Variants in NIBAN1 observed in about 807,000 individuals in gnomAD.
NIBAN1 encodes protein Niban 1.
Under a neutral mutation model 75.1 loss-of-function variants are expected in NIBAN1, and 81 were observed. That is an observed-to-expected ratio of 1.08 (90% CI 0.90 to 1.30). The LOEUF is 1.30. Ranked by LOEUF, NIBAN1 falls within the 50% of genes most tolerant of loss-of-function variation. The pLI, the probability that NIBAN1 is intolerant of heterozygous loss-of-function variation, is 0.00. For synonymous variants in NIBAN1, 436 were observed against 424.8 expected (o/e 1.03, Z -0.32); for missense variants, 1,133 against 1,128.1 (o/e 1.00, Z -0.06).
chr1:184,936,901 C>T (rs1159577240), intron 1 of NIBAN1, among the ~76,000 whole-genome samples: 7 of 152,116 alleles, frequency 4.6e-5, no homozygotes, highest in Non-Finnish European at 1.0e-4. Flanking sequence ...CACTACCCCA[C>T]ATTAATAAAA....
At chr1:184,959,260 T>C (rs1658570167) in intron 1 of NIBAN1, among the ~76,000 whole-genome samples, 1 of 152,206 alleles carries the variant, frequency 6.6e-6, no homozygotes. Flanking sequence ...CCATGGAGAA[T>C]GTTGGTAGCA....
At chr1:184,873,872 T>A (rs1396849947) in intron 5 of NIBAN1, among the ~76,000 whole-genome samples, 1 of 152,138 alleles carries the variant, frequency 6.6e-6, no homozygotes, top group South Asian at 2.1e-4. Context: ...GAGAGTATAG[T>A]AAAAGTTTTT....
intron 4 of NIBAN1, among the ~76,000 whole-genome samples, 200 bp from the exon 5 acceptor site, chr1:184,885,000 G>T (rs1394984994): frequency 2.6e-5 from 4 of 152,138 alleles, no homozygotes; most frequent in Non-Finnish European, 5.9e-5. Flanking sequence ...ACTGCGGTCT[G>T]CCTGGCCTCC....
At chr1:184,939,888 T>C (rs1658047126) in intron 1 of NIBAN1, among the ~76,000 whole-genome samples, 1 of 152,202 alleles carries the variant, frequency 6.6e-6, no homozygotes, top group African/African-American at 2.4e-5. Context: ...GTAAATCCTA[T>C]TCATCTTTGT....
chr1:184,974,155 C>T, intron 1 of NIBAN1, 147 bp downstream of exon 1: 1 of 858,114 alleles, frequency 1.2e-6, no homozygotes, highest in Non-Finnish European at 1.6e-6. Flanking sequence ...GGGCAGGAAA[C>T]CCGACTCGCG....
At chr1:184,940,175 A>G (rs1437575882) in intron 1 of NIBAN1, among the ~76,000 whole-genome samples, 3 of 152,136 alleles carry the variant, frequency 2.0e-5, no homozygotes, top group Non-Finnish European at 4.4e-5. Context: ...GCCCTGAAAA[A>G]GGACATTGGG....
At chr1:184,872,373 A>G (rs1287000013) in intron 5 of NIBAN1, among the ~76,000 whole-genome samples, 2 of 152,088 alleles carry the variant, frequency 1.3e-5, no homozygotes, top group African/African-American at 4.8e-5. Flanking sequence ...GTTCAGGGAA[A>G]AAAAAAGAGA....
intron 1 of NIBAN1, among the ~76,000 whole-genome samples, chr1:184,951,821 A>G (rs1027345906): frequency 1.1e-4 from 17 of 152,274 alleles, no homozygotes; most frequent in African/African-American, 3.6e-4. Context: ...CCAATGGCCT[A>G]TAAGTCCCCC....
At chr1:184,845,251 G>A (rs1314559691) in intron 5 of NIBAN1, among the ~76,000 whole-genome samples, 2 of 152,166 alleles carry the variant, frequency 1.3e-5, no homozygotes, top group Non-Finnish European at 2.9e-5. Flanking sequence ...TGATTTCATT[G>A]TGAAAACGCT....
intron 1 of NIBAN1, among the ~76,000 whole-genome samples, chr1:184,906,562 G>A (rs553887126): frequency 6.4e-4 from 97 of 152,190 alleles, no homozygotes; most frequent in South Asian, 4.8e-3. Context: ...TCAGGGAGGC[G>A]GAGGTTGCGG....
chr1:184,904,681 G>A (rs950918241), intron 1 of NIBAN1, among the ~76,000 whole-genome samples: 10 of 152,116 alleles, frequency 6.6e-5, no homozygotes, highest in South Asian at 2.1e-4. Flanking sequence ...TGGGCTGGGC[G>A]CAGTAGCTCA....
At position 184,841,457 on chromosome 1, in the gene NIBAN1, G is replaced by T. The variant is rs563879586; in HGVS notation, c.602-9495C>A. ...TCATCATTCCATGGCTCTAGCTCATGCTGGATACCAGAATATTTTACAAAC... is the reference window on the plus strand; with the variant it reads ...TCATCATTCCATGGCTCTAGCTCATTCTGGATACCAGAATATTTTACAAAC... On this transcript the variant is annotated intron_variant, in intron 5 of 13. Coordinates refer to ENST00000367511, the MANE Select transcript of NIBAN1 (RefSeq NM_052966.4). Among the ~76,000 whole-genome samples, 14 of 152,330 alleles carry T rather than the reference G, an allele frequency of 9.2e-5. No homozygotes were observed. In the East Asian group the frequency reaches 2.1e-3, roughly 23 times the overall value.
At position 184,795,993 on chromosome 1, in the gene NIBAN1, C is replaced by A. The variant is rs1571464601; in HGVS notation, c.1771G>T (p.Gly591Trp). ...CTGGCAGGGCTGGCCTGGTTTGACC[C>A]TGTGGGGGGCTTTAGATCTGTTAAG... ...SSLTDLKPPTGSNQASPARRA... is the reference protein window; with the variant it reads ...SSLTDLKPPTWSNQASPARRA... The change falls in exon 14 of 14, where the codon GGG becomes TGG. Residue 591 changes from glycine (G) to tryptophan (W), a missense_variant. Physicochemically the swap from Gly to Trp is radical, Grantham distance 184. Coordinates refer to ENST00000367511, the MANE Select transcript of NIBAN1 (RefSeq NM_052966.4). The A allele has an allele frequency of 1.9e-6, 3 of 1,613,772 alleles. No homozygotes were observed. Among genetic ancestry groups the A allele is most frequent in the East Asian group, 2.2e-5 (1 of 44,884 alleles).
In NIBAN1 at chr1:184,795,595, T is replaced by G. The variant is rs1376511485; in HGVS notation, c.2169A>C (p.Pro723=). The change falls in exon 14 of 14, where the codon CCA becomes CCC. Residue 723 remains proline, a synonymous_variant. Transcript: ENST00000367511. ...RKLLTASVEV[P]VDSAPVMEED... ...CTTCCATCACTGGAGCAGAGTCCAC[T>G]GGTACTTCCACGGACGCTGTCAGCA... 6.2e-7 allele frequency: 1 copy of G among 1,614,212 alleles called. No individual in the cohort carries two copies. The highest frequency in any genetic ancestry group is 2.2e-5 in the East Asian group (1 of 44,886).
intron 1 of NIBAN1, among the ~76,000 whole-genome samples, chr1:184,911,811 A>G (rs1657248278): frequency 6.6e-6 from 1 of 152,222 alleles, no homozygotes; most frequent in Non-Finnish European, 1.5e-5. Context: ...GTGTACGTGC[A>G]TGTTTTCTTT....
Position 184,825,029 on chromosome 1 carries a change from G to C in NIBAN1, c.718-1287C>G, listed in dbSNP as rs533846277. ...TTCCTTAAACCCAGAGACCTGTTGG[G>C]ACCTGACACCTAAAATTAATTAGCA... On this transcript the variant is annotated intron_variant, in intron 6 of 13. Coordinates refer to ENST00000367511, the MANE Select transcript of NIBAN1 (RefSeq NM_052966.4). 7.2e-5 allele frequency among the ~76,000 whole-genome samples: 11 copies of C among 152,226 alleles called. No individual in the cohort carries two copies. In the East Asian group the frequency reaches 1.9e-3, roughly 27 times the overall value.
Position 184,794,916 on chromosome 1 carries a change from A to C in NIBAN1, c.*61T>G. On this transcript the variant is annotated 3_prime_UTR_variant, in exon 14 of 14. Transcript: ENST00000367511. ...TGGTAACAGCTTGCATGCAACCCCTAAGTGTACCCCTATAACCCTTTGGCT... is the reference window on the plus strand; with the variant it reads ...TGGTAACAGCTTGCATGCAACCCCTCAGTGTACCCCTATAACCCTTTGGCT... 1.9e-6 allele frequency: 3 copies of C among 1,598,610 alleles called. No individual in the cohort carries two copies. The highest frequency in any genetic ancestry group is 2.5e-6 in the Non-Finnish European group (3 of 1,178,216).
At chr1:184,831,583 T>C (rs1455194329) in intron 6 of NIBAN1, among the ~76,000 whole-genome samples, 2 of 152,176 alleles carry the variant, frequency 1.3e-5, no homozygotes, top group Non-Finnish European at 2.9e-5. Context: ...GTAATTCTTT[T>C]CATAGAAAAC....
intron 1 of NIBAN1, among the ~76,000 whole-genome samples, chr1:184,960,671 C>T (rs963416988): frequency 1.3e-5 from 2 of 150,638 alleles, no homozygotes; most frequent in East Asian, 2.0e-4. Context: ...CTATCTTGCC[C>T]AGACTGGAGT....
Sources: allele counts gnomAD v4.1 joint callset (sites outside exome capture counted in the v4.1 genomes callset), GRCh38; gene constraint gnomAD v4.1.1; transcripts MANE v1.5; gene names NCBI Gene and HGNC (gene_info 2026-07-23, HGNC 2026-07-21).